GMDS: variants seen among roughly 807,000 people sequenced by gnomAD.
GMDS encodes GDP-mannose 4,6-dehydratase.
GMDS carries 20 observed loss-of-function variants against 49.9 expected under a neutral mutation model. That is an observed-to-expected ratio of 0.40 (90% CI 0.28 to 0.58). The LOEUF is 0.58. Ranked by LOEUF, GMDS falls within the 20% of genes least tolerant of loss-of-function variation. The pLI is 0.42. For missense variants in GMDS, 362 were observed against 481.4 expected (o/e 0.75, Z 2.32); for synonymous variants, 177 against 178.6 (o/e 0.99, Z 0.07).
chr6:2,090,720 T>C (rs1164941935), intron 4 of GMDS, among the ~76,000 whole-genome samples: 5 of 152,218 alleles, frequency 3.3e-5, no homozygotes, highest in South Asian at 2.1e-4. Flanking sequence ...ACTGTGTCTA[T>C]AGTGGCATTA....
chr6:1,632,723 T>C (rs565526057), intron 9 of GMDS, among the ~76,000 whole-genome samples: 1 of 152,072 alleles, frequency 6.6e-6, no homozygotes, highest in East Asian at 1.9e-4. Context: ...CAAAAAACTT[T>C]AAAAAATTAG....
intron 9 of GMDS, among the ~76,000 whole-genome samples, chr6:1,652,414 T>TAA (rs1561700591): frequency 2.2e-4 from 6 of 27,494 alleles, no homozygotes; most frequent in African/African-American, 9.4e-4. Flanking sequence ...ATATATTATA[T>TAA]ATAATATATA....
chr6:1,982,740 T>C (rs6596863), intron 4 of GMDS, among the ~76,000 whole-genome samples: 151,713 of 152,322 alleles, frequency 1, 75,555 homozygotes, highest in Non-Finnish European at 1. Context: ...CAAAAACAAA[T>C]GGAAAAACAT....
chr6:1,749,346 G>C (rs926915096), intron 7 of GMDS, among the ~76,000 whole-genome samples: 5 of 152,156 alleles, frequency 3.3e-5, no homozygotes, highest in Non-Finnish European at 7.3e-5. Flanking sequence ...TTAGCACTTT[G>C]GGAGGCTGAG....
intron 7 of GMDS, among the ~76,000 whole-genome samples, chr6:1,889,045 G>A (rs1759749132): frequency 6.6e-6 from 1 of 152,102 alleles, no homozygotes; most frequent in Non-Finnish European, 1.5e-5. Context: ...CACTGCACCT[G>A]GTCAGTATTT....
At chr6:2,071,502 T>C (rs1046619430) in intron 4 of GMDS, among the ~76,000 whole-genome samples, 2 of 152,080 alleles carry the variant, frequency 1.3e-5, no homozygotes, top group Admixed American at 6.6e-5. Flanking sequence ...ATATCCCACA[T>C]GGCTACCTCT....
chr6:2,042,459 A>G (rs1021243492), intron 4 of GMDS, among the ~76,000 whole-genome samples: 13 of 152,164 alleles, frequency 8.5e-5, no homozygotes, highest in African/African-American at 3.1e-4. Flanking sequence ...CACCCTCCGT[A>G]GTGTGGCCAG....
At chr6:2,063,561 A>T (rs1015408106) in intron 4 of GMDS, among the ~76,000 whole-genome samples, 1 of 152,224 alleles carries the variant, frequency 6.6e-6, no homozygotes, top group South Asian at 2.1e-4. Context: ...ACTATAATAA[A>T]TGTTAATATG....
At chr6:2,014,524 T>G (rs1767777544) in intron 4 of GMDS, among the ~76,000 whole-genome samples, 1 of 152,072 alleles carries the variant, frequency 6.6e-6, no homozygotes. Context: ...AATTAGCTAC[T>G]AATGTATATC....
rs1049542591 is a variant in GMDS, at chr6:1,778,007, A to T, written c.772-35421T>A. 1.3e-5 allele frequency among the ~76,000 whole-genome samples: 2 copies of T among 152,218 alleles called. No individual in the cohort carries two copies. Among genetic ancestry groups the T allele is most frequent in the African/African-American group, 4.8e-5 (2 of 41,448 alleles). ...GCTAACAGATGGAAGAGCTGAATGGAAATTTCAATAAAGAGGGCCACAAAG... is the reference window on the plus strand; with the variant it reads ...GCTAACAGATGGAAGAGCTGAATGGTAATTTCAATAAAGAGGGCCACAAAG... On this transcript the variant is annotated intron_variant, in intron 7 of 10. Transcript: ENST00000380815. This position sits in a 1 kb window ranked among gnomAD's most constrained non-coding sequence, Gnocchi z 4.6.
chr6:2,012,207 A>G (rs906242772), intron 4 of GMDS, among the ~76,000 whole-genome samples: 1 of 152,158 alleles, frequency 6.6e-6, no homozygotes, highest in Non-Finnish European at 1.5e-5. Flanking sequence ...TTTCGCCACC[A>G]CACAATATAT....
In GMDS at chr6:2,137,428, G is replaced by A. The variant is rs912488310; in HGVS notation, c.103-12697C>T. Among the ~76,000 whole-genome samples the A allele has an allele frequency of 1.1e-4, 16 of 150,290 alleles. No individual in the cohort carries two copies. In the East Asian group the frequency reaches 1.2e-3, roughly 11 times the overall value. Reference sequence around the variant, plus strand: ...GGCTCACTGCAACCTCTGCCTCCCCGGTTCAAGTGATTCTCCTGCCTCAGC... The same window carrying A: ...GGCTCACTGCAACCTCTGCCTCCCCAGTTCAAGTGATTCTCCTGCCTCAGC... On this transcript the variant is annotated intron_variant, in intron 1 of 10. Transcript: ENST00000380815.
At chr6:1,975,252 G>A (rs1395567356) in intron 4 of GMDS, among the ~76,000 whole-genome samples, 1 of 152,112 alleles carries the variant, frequency 6.6e-6, no homozygotes, top group Non-Finnish European at 1.5e-5. Context: ...ATTCTTTAAG[G>A]GATAAATAAG....
chr6:1,783,285 A>G (rs984807555), intron 7 of GMDS, among the ~76,000 whole-genome samples: 1 of 152,118 alleles, frequency 6.6e-6, no homozygotes, highest in East Asian at 1.9e-4. Context: ...CAACTTAAAG[A>G]CTCTGATATC....
At chr6:1,912,398 G>C (rs1052335187) in intron 7 of GMDS, among the ~76,000 whole-genome samples, 8 of 152,136 alleles carry the variant, frequency 5.3e-5, no homozygotes, top group African/African-American at 1.9e-4. Context: ...TCTAATCAAA[G>C]GACTGTGGGG....
intron 7 of GMDS, among the ~76,000 whole-genome samples, chr6:1,889,249 C>G (rs188588940): frequency 1.3e-5 from 2 of 152,302 alleles, no homozygotes; most frequent in African/African-American, 4.8e-5. Flanking sequence ...ACCTCCCAAA[C>G]ATCAAACTCA....
chr6:2,228,130 C>G (rs1780902524), intron 1 of GMDS, among the ~76,000 whole-genome samples: 2 of 152,298 alleles, frequency 1.3e-5, no homozygotes, highest in South Asian at 4.1e-4. Context: ...TGGCAGGCAC[C>G]TATCTGAGTG....
chr6:1,658,302 C>G lies in GMDS; in HGVS notation c.988-33762G>C, dbSNP rs560380026. The stretch of plus-strand genomic sequence containing the variant: ...TACTGAGGACCCTTCAACTTGTTCA[C>G]TGTTTCAAAGCTGAAGCTGCAATTT... On this transcript the variant is annotated intron_variant, in intron 9 of 10. Transcript: ENST00000380815. Among the ~76,000 whole-genome samples, 4 of 152,388 alleles carry G rather than the reference C, an allele frequency of 2.6e-5. No individual in the cohort carries two copies. The East Asian group carries it at 7.7e-4, about 29-fold the overall frequency.
chr6:1,944,324 G>C (rs187524770), intron 6 of GMDS, among the ~76,000 whole-genome samples: 2 of 152,220 alleles, frequency 1.3e-5, no homozygotes, highest in Admixed American at 1.3e-4. Flanking sequence ...GGCTAACACA[G>C]TGAAACCCCG....
Sources: gnomAD v4.1 joint callset for allele counts (sites outside exome capture counted in the v4.1 genomes callset) on GRCh38, gnomAD v4.1.1 for gene constraint, Gnocchi (gnomAD v3.1) non-coding constraint, MANE v1.5 for transcripts, NCBI Gene and HGNC (gene_info 2026-07-23, HGNC 2026-07-21) for gene names.